Variants in SLC39A11 observed in about 807,000 individuals in gnomAD.
SLC39A11 encodes solute carrier family 39 member 11.
SLC39A11 carries 33 observed loss-of-function variants against 36.1 expected under a neutral mutation model. The ratio of observed to expected loss-of-function variants is 0.91; its 90% CI spans 0.69 to 1.22. The LOEUF (loss-of-function observed/expected upper bound fraction) is 1.22. Among genes scored for constraint, SLC39A11 ranks in the 50% most tolerant of loss-of-function variants. The pLI, the probability that SLC39A11 is intolerant of heterozygous loss-of-function variation, is 0.00. For synonymous variants in SLC39A11, 166 were observed against 170.3 expected, an observed-to-expected ratio of 0.97 and a Z score of 0.20; for missense variants, 432 against 430.3, an observed-to-expected ratio of 1.00 and a Z score of -0.03.
At chr17:73,057,879 G>A (rs2059718667) in intron 3 of SLC39A11, among the ~76,000 whole-genome samples, 2 of 152,228 alleles carry the variant, frequency 1.3e-5, no homozygotes. Context: ...GGAGGTTGCA[G>A]TGAGCCAAGA....
intron 6 of SLC39A11, among the ~76,000 whole-genome samples, chr17:72,766,535 C>G (rs765898960): frequency 1.6e-4 from 25 of 152,180 alleles, no homozygotes; most frequent in Admixed American, 1.5e-3. Context: ...TAGTCCTTCT[C>G]CCTCCAGCCT....
At chr17:72,716,097 A>C (rs1433264280) in intron 7 of SLC39A11, among the ~76,000 whole-genome samples, 1 of 151,560 alleles carries the variant, frequency 6.6e-6, no homozygotes, top group Non-Finnish European at 1.5e-5. Context: ...ACCCTCCCTG[A>C]CCCACCCCAA....
intron 7 of SLC39A11, among the ~76,000 whole-genome samples, chr17:72,707,853 GC>G (rs1275050493): frequency 6.6e-6 from 1 of 152,194 alleles, no homozygotes; most frequent in Non-Finnish European, 1.5e-5. Context: ...CTCAAGCATG[GC>G]AAAAATATCC....
chr17:72,873,758 T>G (rs1240858660), intron 5 of SLC39A11, among the ~76,000 whole-genome samples: 2 of 152,160 alleles, frequency 1.3e-5, no homozygotes, highest in African/African-American at 4.8e-5. Context: ...TGAACTGGGT[T>G]TCGCTCCCAG....
At chr17:72,814,020 G>C (rs1449195833) in intron 6 of SLC39A11, among the ~76,000 whole-genome samples, 1 of 152,178 alleles carries the variant, frequency 6.6e-6, no homozygotes, top group African/African-American at 2.4e-5. Flanking sequence ...AACTGTTGCT[G>C]AGAAAAACTG....
chr17:72,648,816 C>T lies in SLC39A11; in HGVS notation c.916G>A (p.Glu306Lys), dbSNP rs370921036. 6.8e-6 allele frequency: 11 copies of T among 1,613,972 alleles called. No individual in the cohort carries two copies. In the South Asian group the frequency reaches 8.8e-5, roughly 13 times the overall value. The change falls in exon 9 of 10, where the codon GAA (glutamate) becomes AAA (lysine). Residue 306 changes from glutamate to lysine, a missense_variant. By Grantham distance (56) the Glu-to-Lys change is moderately conservative (BLOSUM62 1). Coordinates refer to ENST00000255559, the MANE Select transcript of SLC39A11 (RefSeq NM_139177.4). ...AGGTTCTCCAACCTGATCTGGGCTT[C>T]GGGGATGATGTCGTCCATGACCACG... ...VYVVMDDIIP[E>K]AQISGNGKLA... is the part of the protein sequence containing the mutation.
chr17:72,806,430 C>T (rs1489985024), intron 6 of SLC39A11, among the ~76,000 whole-genome samples: 2 of 152,094 alleles, frequency 1.3e-5, no homozygotes, highest in African/African-American at 4.8e-5. Flanking sequence ...AAACTATTTC[C>T]CCCTTTCTGG....
chr17:72,990,473 A>C (rs1375284659), intron 4 of SLC39A11, among the ~76,000 whole-genome samples: 1 of 152,094 alleles, frequency 6.6e-6, no homozygotes, highest in African/African-American at 2.4e-5. Flanking sequence ...GCTGGAGTGT[A>C]GTGGCGTGAT....
chr17:72,665,494 T>C (rs1294145785), intron 7 of SLC39A11, among the ~76,000 whole-genome samples: 1 of 144,978 alleles, frequency 6.9e-6, no homozygotes, highest in African/African-American at 2.6e-5. Context: ...AGGTTAAAGC[T>C]ATCCTCCCAT....
At chr17:72,814,189 C>T (rs2077514312) in intron 6 of SLC39A11, among the ~76,000 whole-genome samples, 1 of 152,200 alleles carries the variant, frequency 6.6e-6, no homozygotes, top group Non-Finnish European at 1.5e-5. Flanking sequence ...CCAGGGGATT[C>T]ATGGCTACCA....
intron 4 of SLC39A11, among the ~76,000 whole-genome samples, chr17:72,987,455 T>C (rs1367310668): frequency 1.3e-5 from 2 of 152,198 alleles, no homozygotes; most frequent in Admixed American, 1.3e-4. Context: ...ATACAGTTCC[T>C]GGATTTGTGA....
chr17:72,978,005 T>G (rs2087988300), intron 4 of SLC39A11, among the ~76,000 whole-genome samples: 2 of 152,196 alleles, frequency 1.3e-5, no homozygotes, highest in South Asian at 4.1e-4. Flanking sequence ...CAGCAAAATG[T>G]CAGTCTCCGA....
chr17:72,827,982 T>C (rs140770485), intron 6 of SLC39A11, among the ~76,000 whole-genome samples: 139 of 152,354 alleles, frequency 9.1e-4, no homozygotes, highest in African/African-American at 3.0e-3. Context: ...AGGCTTCACG[T>C]GGGCAAGGAA....
intron 4 of SLC39A11, among the ~76,000 whole-genome samples, chr17:72,954,955 T>C (rs1037663145): frequency 3.9e-5 from 6 of 152,222 alleles, no homozygotes; most frequent in Non-Finnish European, 8.8e-5. Context: ...TCATGGGTCA[T>C]AGTCAGAATC....
Position 72,972,530 on chromosome 17 carries a change from T to C in SLC39A11, c.307-24655A>G, listed in dbSNP as rs377520446. ...ACACAGCGAGCTCTTTAAAGAGCCA[T>C]TGAGCTAATCAATATCCTCTCCCAT... On this transcript the variant is annotated intron_variant, in intron 4 of 9. Coordinates refer to ENST00000255559, the MANE Select transcript of SLC39A11 (RefSeq NM_139177.4). Among the ~76,000 whole-genome samples, 6 of 152,224 alleles carry C rather than the reference T, an allele frequency of 3.9e-5. No homozygotes were observed. In the East Asian group the frequency reaches 7.7e-4, roughly 20 times the overall value.
chr17:72,759,996 T>C (rs2075514199), intron 6 of SLC39A11, among the ~76,000 whole-genome samples: 1 of 152,184 alleles, frequency 6.6e-6, no homozygotes, highest in African/African-American at 2.4e-5. Context: ...GTTTGTTTTT[T>C]TTCTTCACAG....
chr17:72,892,270 T>C (rs2081791373), intron 5 of SLC39A11, among the ~76,000 whole-genome samples: 1 of 151,668 alleles, frequency 6.6e-6, no homozygotes, highest in Non-Finnish European at 1.5e-5. Flanking sequence ...ATTAGTCAGG[T>C]GTGATGGCGC....
At chr17:72,813,268 G>C (rs941231250) in intron 6 of SLC39A11, among the ~76,000 whole-genome samples, 2 of 152,182 alleles carry the variant, frequency 1.3e-5, no homozygotes, top group Non-Finnish European at 2.9e-5. Flanking sequence ...AACGGATGGA[G>C]AACTCTTTTC....
chr17:72,925,544 C>A (rs149638562), intron 5 of SLC39A11, among the ~76,000 whole-genome samples: 1 of 152,174 alleles, frequency 6.6e-6, no homozygotes, highest in Non-Finnish European at 1.5e-5. Context: ...GTGTTCCTCA[C>A]CACGGATGCA....
Sources: gnomAD v4.1 joint callset for allele counts (sites outside exome capture counted in the v4.1 genomes callset) on GRCh38, gnomAD v4.1.1 for gene constraint, MANE v1.5 for transcripts, NCBI Gene and HGNC (gene_info 2026-07-23, HGNC 2026-07-21) for gene names.